The following MYZAP variants were observed in gnomAD, a reference collection of about 807,000 sequenced individuals.
MYZAP encodes the protein GRINL1A complex locus upstream.
MYZAP carries 66 observed loss-of-function variants against 69.4 expected under a neutral mutation model. The ratio of observed to expected loss-of-function variants is 0.95; its 90% CI spans 0.78 to 1.17. The LOEUF (loss-of-function observed/expected upper bound fraction) is 1.17, where lower values mean the gene tolerates loss of function less well. MYZAP is among the 50% of genes most tolerant of loss of function. MYZAP has a pLI of 0.00. For missense variants in MYZAP, 611 were observed against 556.2 expected (o/e 1.10, Z -0.99); for synonymous variants, 256 against 205.9 (o/e 1.24, Z -2.09).
At chr15:57,647,776 C>A (rs1595907508) in intron 10 of MYZAP, 1 of 985,420 alleles carries the variant, frequency 1.0e-6, no homozygotes, top group East Asian at 1.1e-4. Flanking sequence ...TGTTGATCTT[C>A]TTAGATCTGG....
chr15:57,632,907 C>G (rs1247701058), intron 7 of MYZAP, among the ~76,000 whole-genome samples: 1 of 152,190 alleles, frequency 6.6e-6, no homozygotes, highest in Admixed American at 6.5e-5. Flanking sequence ...TCCTCCTTCC[C>G]TATCTTTGAT....
chr15:57,646,064 C>A, intron 10 of MYZAP: 1 of 939,334 alleles, frequency 1.1e-6, no homozygotes, highest in Non-Finnish European at 1.5e-6. Context: ...GGTAATTAGC[C>A]AAATGGGGGT....
At chr15:57,647,686 T>C (rs1209875681) in intron 10 of MYZAP, 1 of 985,290 alleles carries the variant, frequency 1.0e-6, no homozygotes, top group Non-Finnish European at 1.2e-6. Context: ...CCTAGAGTAC[T>C]GCATAGCCTG....
At chr15:57,677,196 T>C (rs1045003932) in intron 12 of MYZAP, among the ~76,000 whole-genome samples, 4 of 152,150 alleles carry the variant, frequency 2.6e-5, no homozygotes, top group Non-Finnish European at 5.9e-5. Context: ...CCCGGGGGGA[T>C]GAGGAGGGTT....
At chr15:57,594,083 G>C (rs2033898225) in intron 1 of MYZAP, among the ~76,000 whole-genome samples, 1 of 152,134 alleles carries the variant, frequency 6.6e-6, no homozygotes, top group Admixed American at 6.5e-5. Context: ...TAAAATAAAG[G>C]TTCTTCCTGA....
intron 2 of MYZAP, among the ~76,000 whole-genome samples, chr15:57,616,822 C>CTTTTTTTTTTTTTTTTTTTTTTTTTT (rs763856721): frequency 4.8e-4 from 24 of 50,060 alleles, no homozygotes; most frequent in Admixed American, 1.4e-3. Context: ...AAAAAAAGTG[C>CTTTTTTTTTTTTTTTTTTTTTTTTTT]TTTTTTTTTT....
intron 3 of MYZAP, among the ~76,000 whole-genome samples, chr15:57,621,205 C>CT (rs61201214): frequency 0.047 from 6,003 of 127,244 alleles, 302 homozygotes; most frequent in African/African-American, 0.12. Context: ...CTTTCTTTTT[C>CT]TTTTTTTTTT....
chr15:57,632,394 C>G, intron 6 of MYZAP, 40 bp from the exon 7 acceptor site: 4 of 1,612,874 alleles, frequency 2.5e-6, no homozygotes, highest in Non-Finnish European at 3.4e-6. Flanking sequence ...TTCCTCTGGG[C>G]CCTGCAAAAG....
intron 2 of MYZAP, among the ~76,000 whole-genome samples, chr15:57,616,306 G>C (rs2035440286): frequency 6.6e-6 from 1 of 152,216 alleles, no homozygotes; most frequent in Non-Finnish European, 1.5e-5. Context: ...CTTGAGGTCA[G>C]GAATTTGAGA....
At position 57,591,990 on chromosome 15, in the gene MYZAP, G is replaced by A. The variant is rs923162948; in HGVS notation, c.-45G>A. On this transcript the variant is annotated 5_prime_UTR_variant, in exon 1 of 13. Coordinates refer to ENST00000267853, the MANE Select transcript of MYZAP (RefSeq NM_001018100.5). ...CGGGCCCCGCACGCTTATTCTGCCCGGGAGGAACGCCGGCGTCCAGCCCGC... is the reference window on the plus strand; with the variant it reads ...CGGGCCCCGCACGCTTATTCTGCCCAGGAGGAACGCCGGCGTCCAGCCCGC... 6 of 1,405,188 alleles carry A rather than the reference G, an allele frequency of 4.3e-6. No homozygotes were observed. In the Admixed American group the frequency reaches 8.7e-5, roughly 20 times the overall value. 87.0% of individuals were successfully genotyped at this position (1,405,188 alleles called of 1,614,324 possible).
chr15:57,605,660 C>T (rs148896034), intron 2 of MYZAP, among the ~76,000 whole-genome samples: 1 of 152,060 alleles, frequency 6.6e-6, no homozygotes, highest in Admixed American at 6.6e-5. Context: ...GAAGTTCTGA[C>T]TAGAGAAAGG....
intron 12 of MYZAP, among the ~76,000 whole-genome samples, chr15:57,675,429 A>G (rs2039069824): frequency 6.6e-6 from 1 of 152,162 alleles, no homozygotes; most frequent in African/African-American, 2.4e-5. Flanking sequence ...CCTGCCCCAG[A>G]GTACAGTCTG....
At chr15:57,631,947 A>G (rs541298219) in intron 6 of MYZAP, among the ~76,000 whole-genome samples, 1 of 152,126 alleles carries the variant, frequency 6.6e-6, no homozygotes, top group Admixed American at 6.5e-5. Context: ...CTGCAACTCC[A>G]CTGACTTTTT....
intron 10 of MYZAP, among the ~76,000 whole-genome samples, chr15:57,657,072 C>G (rs1487445760): frequency 1.3e-5 from 2 of 152,150 alleles, no homozygotes; most frequent in Non-Finnish European, 2.9e-5. Flanking sequence ...AAACTACCAT[C>G]TAGGGGACAG....
At chr15:57,626,517 T>TA in intron 5 of MYZAP, among the ~76,000 whole-genome samples, 1 of 152,340 alleles carries the variant, frequency 6.6e-6, no homozygotes, top group East Asian at 1.9e-4. Flanking sequence ...TTCCCATTCT[T>TA]ACTCTTACAA....
rs763856721 is a variant in MYZAP, at chr15:57,616,822, C to CTTTTTTTTTTTTT, written c.163-1198_163-1186dup. The stretch of plus-strand genomic sequence containing the variant: ...GAGACTCCATCTAAAAAAAAAAGTG[C>CTTTTTTTTTTTTT]TTTTTTTTTTTTTTTTTTTTTTTTT... On this transcript the variant is annotated intron_variant, in intron 2 of 12. Coordinates refer to ENST00000267853, the MANE Select transcript of MYZAP (RefSeq NM_001018100.5). Among the ~76,000 whole-genome samples the CTTTTTTTTTTTTT allele has an allele frequency of 5.3e-3, 266 of 50,060 alleles. 29 individuals are homozygous for CTTTTTTTTTTTTT. Among genetic ancestry groups the CTTTTTTTTTTTTT allele is most frequent in the Middle Eastern group, 0.017 (1 of 58 alleles). The allele number at this position is 50,060 out of a possible 152,430, so 32.8% of individuals were successfully genotyped here.
intron 3 of MYZAP, among the ~76,000 whole-genome samples, chr15:57,619,313 T>C (rs1468544766): frequency 6.6e-6 from 1 of 152,182 alleles, no homozygotes; most frequent in Non-Finnish European, 1.5e-5. Context: ...AACCTTAAAC[T>C]CCTAGTTATC....
intron 11 of MYZAP, among the ~76,000 whole-genome samples, chr15:57,668,611 T>G (rs1223744598): frequency 6.6e-6 from 1 of 152,182 alleles, no homozygotes; most frequent in East Asian, 1.9e-4. Flanking sequence ...GTGCATTTCC[T>G]TGTCAACTGG....
intron 11 of MYZAP, among the ~76,000 whole-genome samples, chr15:57,673,466 G>GTA (rs1555464695): frequency 1.3e-4 from 4 of 31,732 alleles, no homozygotes; most frequent in African/African-American, 7.6e-4. Flanking sequence ...GTGCATGCGT[G>GTA]TGTGTGTGTG....
Sources: allele counts gnomAD v4.1 joint callset (sites outside exome capture counted in the v4.1 genomes callset), GRCh38; gene constraint gnomAD v4.1.1; transcripts MANE v1.5; gene names NCBI Gene and HGNC (gene_info 2026-07-23, HGNC 2026-07-21).